The following ANAPC5 variants were observed in gnomAD, a reference collection of about 807,000 sequenced individuals.
ANAPC5 encodes the protein anaphase promoting complex subunit 5.
Under a neutral mutation model 91.3 loss-of-function variants are expected in ANAPC5, and 60 were observed. That is an observed-to-expected ratio of 0.66 (90% CI 0.53 to 0.81). ANAPC5 has a LOEUF of 0.81. ANAPC5 is among the 40% of genes least tolerant of loss of function. The pLI, the probability that ANAPC5 is intolerant of heterozygous loss-of-function variation, is 0.00. For missense variants in ANAPC5, 690 were observed against 931.5 expected (o/e 0.74, Z 3.37); for synonymous variants, 340 against 364.1 (o/e 0.93, Z 0.75).
chr12:121,327,099 C>T lies in ANAPC5; in HGVS notation c.1437G>A (p.Glu479=), dbSNP rs1555272338. 3 of 1,598,092 alleles carry T rather than the reference C, an allele frequency of 1.9e-6. No individual in the cohort carries two copies. Among genetic ancestry groups the T allele is most frequent in the Non-Finnish European group, 2.6e-6 (3 of 1,173,876 alleles). Residue 479 remains glutamate (E), a synonymous_variant, in exon 11 of 17, where the codon GAG becomes GAA. Transcript: ENST00000261819. ...GTGGGCCCGGCCACCTGCCTACCTGCTCCGCGTGTAGCTCTGCGAGGTGGC... is the reference window on the plus strand; with the variant it reads ...GTGGGCCCGGCCACCTGCCTACCTGTTCCGCGTGTAGCTCTGCGAGGTGGC... ...ALCHLAELHA[E]QGCFAAASEV... is the part of the protein sequence containing the mutation.
chr12:121,344,382 C>T (rs1481996566), intron 4 of ANAPC5, among the ~76,000 whole-genome samples: 16 of 152,070 alleles, frequency 1.1e-4, no homozygotes, highest in Admixed American at 1.0e-3. Flanking sequence ...AATTTGAGAC[C>T]AGCCTGGCCA....
At chr12:121,340,476 CAATCACATAGACAGGTTTTTCT>C (rs1318068029) in intron 5 of ANAPC5, among the ~76,000 whole-genome samples, 6 of 151,914 alleles carry the variant, frequency 3.9e-5, no homozygotes, top group Non-Finnish European at 2.9e-5. Flanking sequence ...TACAGTTAAC[CAATCACATAGACAGGTTTTTCT>C]AATCTGTTTG....
intron 7 of ANAPC5, chr12:121,332,772 T>C (rs558890066): frequency 1.3e-5 from 2 of 152,004 alleles, no homozygotes; most frequent in South Asian, 4.2e-4. Context: ...TTAAGGAAAA[T>C]GTACACATTA....
At chr12:121,309,610 C>A in intron 16 of ANAPC5, 91 bp downstream of exon 16, 1 of 1,445,576 alleles carries the variant, frequency 6.9e-7, no homozygotes, top group South Asian at 1.4e-5. Context: ...TAAATGCTGT[C>A]CCAAATTTAA....
chr12:121,340,645 C>T (rs113097134), intron 5 of ANAPC5, among the ~76,000 whole-genome samples: 7 of 151,818 alleles, frequency 4.6e-5, no homozygotes, highest in Admixed American at 3.9e-4. Flanking sequence ...CTCCACCTCC[C>T]GGGTTCAAGC....
intron 6 of ANAPC5, 89 bp downstream of exon 6, chr12:121,337,202 G>A: frequency 1.9e-6 from 2 of 1,069,708 alleles, no homozygotes; most frequent in South Asian, 1.3e-5. Flanking sequence ...TGGCAACAGA[G>A]TAAGACTCTG....
intron 15 of ANAPC5, 127 bp downstream of exon 15, chr12:121,318,150 A>T: frequency 1.7e-6 from 2 of 1,179,544 alleles, no homozygotes; most frequent in Non-Finnish European, 2.2e-6. Context: ...GCACAGGAAG[A>T]CTACCTTTCC....
At chr12:121,352,562 A>G (rs1555275590), upstream of ANAPC5, 2 of 506,488 alleles carry the variant, frequency 3.9e-6, no homozygotes, top group African/African-American at 1.9e-5. Flanking sequence ...GGGGTGCACC[A>G]AAAGACTGAC....
intron 10 of ANAPC5, 57 bp from the exon 11 acceptor site, chr12:121,327,288 G>C: frequency 6.9e-6 from 11 of 1,596,066 alleles, no homozygotes; most frequent in Non-Finnish European, 9.4e-6. Context: ...CTGCGCTTTG[G>C]CCATGCCCGT....
intron 11 of ANAPC5, among the ~76,000 whole-genome samples, chr12:121,324,367 A>C (rs1439054472): frequency 6.6e-6 from 1 of 152,150 alleles, no homozygotes; most frequent in Non-Finnish European, 1.5e-5. Context: ...TTAAAAAAAA[A>C]AGGCAGCTAC....
chr12:121,328,113 G>A, intron 10 of ANAPC5: 1 of 518,852 alleles, frequency 1.9e-6, no homozygotes. Context: ...TGGTTGGGAG[G>A]AGTAAGAAGG....
chr12:121,311,209 A>G (rs1010963531), intron 15 of ANAPC5, among the ~76,000 whole-genome samples: 55 of 151,756 alleles, frequency 3.6e-4, no homozygotes, highest in Non-Finnish European at 1.0e-4. Flanking sequence ...ACAGTGAGCT[A>G]CGATTGCAGC....
At chr12:121,347,703 T>C in intron 2 of ANAPC5, 99 bp downstream of exon 2, 1 of 916,696 alleles carries the variant, frequency 1.1e-6, no homozygotes, top group Admixed American at 2.2e-5. Flanking sequence ...CCTAGGGTAA[T>C]AAAGGTATCT....
At chr12:121,352,491 A>G (rs1555275583), upstream of ANAPC5, 1 of 652,568 alleles carries the variant, frequency 1.5e-6, no homozygotes, top group Non-Finnish European at 2.6e-6. Flanking sequence ...AACCAATCAG[A>G]GCAGTCTGTC....
intron 4 of ANAPC5, among the ~76,000 whole-genome samples, chr12:121,344,314 C>T (rs1903575350): frequency 6.6e-6 from 1 of 152,154 alleles, no homozygotes; most frequent in African/African-American, 2.4e-5. Context: ...TGCGGTGGCT[C>T]ACGCCTGTAA....
intron 5 of ANAPC5, among the ~76,000 whole-genome samples, chr12:121,338,383 T>C (rs1355659871): frequency 1.3e-5 from 2 of 151,438 alleles, no homozygotes; most frequent in Non-Finnish European, 2.9e-5. Flanking sequence ...AGGTCAGGAG[T>C]TGGAGACCAG....
In ANAPC5 at chr12:121,335,703, G is replaced by C; in HGVS notation, c.780C>G (p.Asn260Lys). 1 of 1,605,910 alleles carries C rather than the reference G, an allele frequency of 6.2e-7. No individual in the cohort carries two copies. Residue 260 changes from asparagine to lysine, a missense_variant, in exon 7 of 17, where the codon AAC (asparagine) becomes AAG (lysine). Around this residue, in one of 5 missense-constraint regions of ANAPC5, gnomAD observed 83 missense variants for 150.8 expected, o/e 0.55. Coordinates refer to ENST00000261819, the MANE Select transcript of ANAPC5 (RefSeq NM_016237.5). ...TGAAAACATCTTGGACACGGAGGTT[G>C]TTTAAGTAGCTGAGATAATGCTAAA... ...FAEAHYLSYL[N>K]NLRVQDVFSS...
Position 121,352,368 on chromosome 12 carries a change from G to A in ANAPC5, c.-28C>T, listed in dbSNP as rs941857986. The A allele has an allele frequency of 3.8e-6, 6 of 1,564,562 alleles. No individual in the cohort carries two copies. The highest frequency in any genetic ancestry group is 5.2e-6 in the Non-Finnish European group (6 of 1,149,458). ...CGGCCCGAGACTAAGTCTCGGGCCC[G>A]CGGCGCGCTGCCGCCAGTTGTCACC... On this transcript the variant is annotated 5_prime_UTR_variant, in exon 1 of 17. Coordinates refer to ENST00000261819, the MANE Select transcript of ANAPC5 (RefSeq NM_016237.5).
At chr12:121,328,670 T>G (rs1310450123) in intron 9 of ANAPC5, 173 bp from the exon 10 acceptor site, 1 of 580,170 alleles carries the variant, frequency 1.7e-6, no homozygotes, top group Non-Finnish European at 3.0e-6. Flanking sequence ...GATGTGTTCC[T>G]GAAAAACTGG....
Sources: gnomAD v4.1 joint callset for allele counts (sites outside exome capture counted in the v4.1 genomes callset) on GRCh38, gnomAD v4.1.1 for gene constraint, gnomAD v4.1.1 regional missense constraint, MANE v1.5 for transcripts, NCBI Gene and HGNC (gene_info 2026-07-23, HGNC 2026-07-21) for gene names.